The following CLVS1 variants were observed in gnomAD, a reference collection of about 807,000 sequenced individuals.
The protein encoded by CLVS1 is clavesin 1.
A neutral mutation model predicts 33.1 loss-of-function variants in CLVS1; 10 were observed. That is an observed-to-expected ratio of 0.30 (90% confidence interval 0.19 to 0.51). The LOEUF (loss-of-function observed/expected upper bound fraction) is 0.51. CLVS1 is among the 20% of genes least tolerant of loss of function. The probability of loss-of-function intolerance (pLI) is 0.97; values close to 1 mark genes in which losing one functional copy is unlikely to be tolerated. For synonymous variants in CLVS1, 163 were observed against 166.1 expected, an observed-to-expected ratio of 0.98 and a Z score of 0.14; for missense variants, 343 against 433.4, an observed-to-expected ratio of 0.79 and a Z score of 1.85.
intron 1 of CLVS1, among the ~76,000 whole-genome samples, chr8:61,130,276 TATAA>T (rs1806068744): frequency 6.7e-6 from 1 of 149,852 alleles, no homozygotes. Flanking sequence ...AATAAATAAA[TATAA>T]AAATAATTTA....
intron 2 of CLVS1, chr8:61,273,848 G>T (rs923493759): frequency 6.5e-6 from 1 of 154,660 alleles, no homozygotes; most frequent in Non-Finnish European, 1.4e-5. Flanking sequence ...CCCTGCTTCG[G>T]GTCGCGCACG....
At chr8:61,115,878 G>C (rs1487375369) in intron 1 of CLVS1, among the ~76,000 whole-genome samples, 1 of 146,692 alleles carries the variant, frequency 6.8e-6, no homozygotes, top group Non-Finnish European at 1.5e-5. Flanking sequence ...ATAGTCCTTT[G>C]GGTATATACC....
intron 2 of CLVS1, among the ~76,000 whole-genome samples, chr8:61,350,033 G>A (rs1005415163): frequency 6.6e-6 from 1 of 152,046 alleles, no homozygotes; most frequent in Non-Finnish European, 1.5e-5. Context: ...TAACTAAAAA[G>A]CATTAAACCA....
chr8:61,326,388 G>A (rs1811386023), intron 2 of CLVS1, among the ~76,000 whole-genome samples: 1 of 152,166 alleles, frequency 6.6e-6, no homozygotes, highest in South Asian at 2.1e-4. Flanking sequence ...TAGCTTACCT[G>A]CAAGAGATGG....
At chr8:61,221,403 A>G (rs1443198645) in intron 2 of CLVS1, among the ~76,000 whole-genome samples, 1 of 152,142 alleles carries the variant, frequency 6.6e-6, no homozygotes, top group Non-Finnish European at 1.5e-5. Flanking sequence ...AGGGATGTTG[A>G]ATTTTATCAG....
intron 2 of CLVS1, among the ~76,000 whole-genome samples, chr8:61,271,226 G>GT (rs1368200039): frequency 1.3e-5 from 2 of 149,812 alleles, no homozygotes; most frequent in East Asian, 3.9e-4. Flanking sequence ...CTTTGTTCTT[G>GT]TTGGTTTCAA....
intron 2 of CLVS1, among the ~76,000 whole-genome samples, chr8:61,272,246 C>T (rs1420822840): frequency 6.6e-6 from 1 of 152,036 alleles, no homozygotes; most frequent in South Asian, 2.1e-4. Flanking sequence ...TTCTCCTTCA[C>T]TTATGAAGCT....
chr8:60,985,254 G>A, the CLVS1 span, among the ~76,000 whole-genome samples: 10 of 152,160 alleles, frequency 6.6e-5, no homozygotes, highest in African/African-American at 9.7e-5. Flanking sequence ...CTTTCAATCC[G>A]CTGTGAGTCC....
chr8:61,443,724 C>T (rs1298498858), intron 3 of CLVS1, among the ~76,000 whole-genome samples: 2 of 152,094 alleles, frequency 1.3e-5, no homozygotes, highest in East Asian at 1.9e-4. Flanking sequence ...TATTCCAGGG[C>T]CTATGTTTTC....
At chr8:61,057,390 ACACAC>A (rs1804494721) in intron 1 of CLVS1, among the ~76,000 whole-genome samples, 1 of 150,522 alleles carries the variant, frequency 6.6e-6, no homozygotes, top group African/African-American at 2.5e-5. Flanking sequence ...ACACACACAC[ACACAC>A]ACACACACAC....
In CLVS1 at chr8:61,237,804, C is replaced by A. The variant is rs866321754; in HGVS notation, c.-151-61873C>A. Among the ~76,000 whole-genome samples, 19 of 150,814 alleles carry A rather than the reference C, an allele frequency of 1.3e-4. No homozygotes were observed. In the East Asian group the frequency reaches 3.5e-3, roughly 28 times the overall value. On this transcript the variant is annotated intron_variant, in intron 2 of 2. Transcript: ENST00000522621. ...ATGGTCAGACCAAGAAAGGTTGGGGCCTTTTGTTTTCTCCAAATCCACGGG... is the reference window on the plus strand; with the variant it reads ...ATGGTCAGACCAAGAAAGGTTGGGGACTTTTGTTTTCTCCAAATCCACGGG...
intron 2 of CLVS1, among the ~76,000 whole-genome samples, chr8:61,238,270 C>T (rs1304828630): frequency 6.6e-6 from 1 of 151,860 alleles, no homozygotes; most frequent in Non-Finnish European, 1.5e-5. Flanking sequence ...CTCCCTCTAG[C>T]CTTCCTTCTG....
intron 3 of CLVS1, among the ~76,000 whole-genome samples, chr8:61,438,589 T>C (rs1245307730): frequency 6.6e-6 from 1 of 152,210 alleles, no homozygotes; most frequent in Non-Finnish European, 1.5e-5. Context: ...TTCTAAATCT[T>C]TGAGAAATCG....
At chr8:61,015,111 G>A in the CLVS1 span, among the ~76,000 whole-genome samples, 1 of 152,224 alleles carries the variant, frequency 6.6e-6, no homozygotes, top group Non-Finnish European at 1.5e-5. Context: ...CAGGAAATAA[G>A]TTTTCCTGGA....
intron 2 of CLVS1, among the ~76,000 whole-genome samples, chr8:61,319,197 ATCT>A (rs938624111): frequency 2.0e-5 from 3 of 152,172 alleles, no homozygotes; most frequent in Admixed American, 1.3e-4. Flanking sequence ...GGTGGGAATG[ATCT>A]TCTACAGAGT....
chr8:61,431,263 A>C (rs940496524), intron 3 of CLVS1, among the ~76,000 whole-genome samples: 11 of 152,130 alleles, frequency 7.2e-5, no homozygotes, highest in Non-Finnish European at 1.2e-4. Flanking sequence ...GGTGGGGAAC[A>C]CTTGGGAAAC....
chr8:61,294,205 C>T (rs1325401847), intron 1 of CLVS1, among the ~76,000 whole-genome samples: 1 of 152,034 alleles, frequency 6.6e-6, no homozygotes, highest in Non-Finnish European at 1.5e-5. Context: ...AAACAAGGCA[C>T]CTACTTGGAG....
chr8:61,328,076 C>T (rs1445072916), intron 2 of CLVS1, among the ~76,000 whole-genome samples: 2 of 152,204 alleles, frequency 1.3e-5, no homozygotes, highest in African/African-American at 4.8e-5. Flanking sequence ...TCCAAGCACA[C>T]TGTAAGTTAG....
intron 1 of CLVS1, among the ~76,000 whole-genome samples, chr8:61,114,413 C>A (rs1260779724): frequency 2.6e-5 from 4 of 152,188 alleles, no homozygotes; most frequent in Admixed American, 6.5e-5. Context: ...GTCTTCTAGA[C>A]AAATGCTCTC....
Sources: gnomAD v4.1 joint callset for allele counts (sites outside exome capture counted in the v4.1 genomes callset) on GRCh38, gnomAD v4.1.1 for gene constraint, MANE v1.5 for transcripts, NCBI Gene and HGNC (gene_info 2026-07-23, HGNC 2026-07-21) for gene names.